Variants in NUCKS1 observed in about 807,000 individuals in gnomAD.
The protein encoded by NUCKS1 is nuclear casein kinase and cyclin dependent kinase substrate 1.
In NUCKS1, 2 loss-of-function variants were observed where a neutral mutation model predicts 33.0. The observed-to-expected ratio is 0.06, with a 90% CI of 0.02 to 0.19. The LOEUF is 0.19. NUCKS1 is among the 10% of genes least tolerant of loss of function. The pLI is 1.00. For missense variants in NUCKS1, 201 were observed against 293.6 expected, an observed-to-expected ratio of 0.68 and a Z score of 2.31; for synonymous variants, 106 against 102.8, an observed-to-expected ratio of 1.03 and a Z score of -0.19.
intron 2 of NUCKS1, 61 bp downstream of exon 2, chr1:205,729,511 A>T (rs910410684): frequency 9.3e-7 from 1 of 1,075,248 alleles, no homozygotes; most frequent in African/African-American, 1.6e-5. Flanking sequence ...ATAAAACTAT[A>T]TAAGCTGGTA....
intron 1 of NUCKS1, among the ~76,000 whole-genome samples, chr1:205,734,231 TAC>T (rs1490993250): frequency 6.6e-6 from 1 of 152,162 alleles, no homozygotes; most frequent in Non-Finnish European, 1.5e-5. Flanking sequence ...TTTTATTTAG[TAC>T]ATATTTTTCT....
In NUCKS1 at chr1:205,749,954, G is replaced by A; in HGVS notation, c.17+3C>T. 1 of 1,605,940 alleles carries A rather than the reference G, an allele frequency of 6.2e-7. No individual in the cohort carries two copies. The highest frequency in any genetic ancestry group is 2.3e-5 in the East Asian group (1 of 44,338). On this transcript the variant is annotated splice_donor_region_variant and intron_variant, in intron 1 of 6. Transcript: ENST00000367142. Reference sequence around the variant, plus strand: ...CGCTCCAGGCCTCAGACTCCGCACTGACCTGACAGGCCGCGACATGTTCGC... The same window carrying A: ...CGCTCCAGGCCTCAGACTCCGCACTAACCTGACAGGCCGCGACATGTTCGC...
At chr1:205,720,136 TTTA>T (rs1671895094) in intron 5 of NUCKS1, among the ~76,000 whole-genome samples, 2 of 152,156 alleles carry the variant, frequency 1.3e-5, no homozygotes, top group Non-Finnish European at 2.9e-5. Context: ...ACACCTAAAT[TTTA>T]TTATTAACAT....
intron 1 of NUCKS1, among the ~76,000 whole-genome samples, chr1:205,746,445 T>TCACACACACA (rs769978235): frequency 7.1e-5 from 6 of 84,938 alleles, no homozygotes; most frequent in African/African-American, 2.3e-4. Flanking sequence ...CTTCTCTCTC[T>TCACACACACA]CTCTCTCTCA....
intron 4 of NUCKS1, 77 bp downstream of exon 4, chr1:205,723,849 G>T: frequency 9.5e-7 from 1 of 1,057,356 alleles, no homozygotes; most frequent in Non-Finnish European, 1.4e-6. Flanking sequence ...GCCTGGCATA[G>T]AAATCACTTA....
chr1:205,723,256 G>C (rs1165011075), intron 4 of NUCKS1, among the ~76,000 whole-genome samples: 1 of 152,126 alleles, frequency 6.6e-6, no homozygotes, highest in Non-Finnish European at 1.5e-5. Context: ...ACAACAGCAA[G>C]GGAATGTAGG....
In NUCKS1 at chr1:205,736,284, G is replaced by C. The variant is rs146488048; in HGVS notation, c.18-6663C>G. 1.8e-3 allele frequency among the ~76,000 whole-genome samples: 274 copies of C among 152,184 alleles called. 1 individual carries two copies. Among genetic ancestry groups the C allele is most frequent in the African/African-American group, 6.1e-3 (255 of 41,506 alleles). On this transcript the variant is annotated intron_variant, in intron 1 of 6. Transcript: ENST00000367142. Reference sequence around the variant, plus strand: ...TTTTTATTTCTGACTTTATGGCAAAGTTCAGGTTACCATTTAGATCAAAAA... The same window carrying C: ...TTTTTATTTCTGACTTTATGGCAAACTTCAGGTTACCATTTAGATCAAAAA...
At position 205,749,338 on chromosome 1, in the gene NUCKS1, G is replaced by A. The variant is rs7546199; in HGVS notation, c.17+619C>T. Among the ~76,000 whole-genome samples the A allele has an allele frequency of 5.2e-3, 799 of 152,204 alleles. 5 individuals are homozygous for A. The highest frequency in any genetic ancestry group is 0.018 in the African/African-American group (763 of 41,480). Reference sequence around the variant, plus strand: ...CCGAACTCTCACTTTTGCCCGGGGGGAAAAAAACGGGTCCCGCCCACGCTC... The same window carrying A: ...CCGAACTCTCACTTTTGCCCGGGGGAAAAAAAACGGGTCCCGCCCACGCTC... On this transcript the variant is annotated intron_variant, in intron 1 of 6. Transcript: ENST00000367142.
In NUCKS1 at chr1:205,745,733, T is replaced by C. The variant is rs976579966; in HGVS notation, c.17+4224A>G. The stretch of plus-strand genomic sequence containing the variant: ...TGTATTCAGATCTGAGCTCAAACCT[T>C]AGCTCTGCTATCATAGCTCTGTAAC... On this transcript the variant is annotated intron_variant, in intron 1 of 6. Coordinates refer to ENST00000367142, the MANE Select transcript of NUCKS1 (RefSeq NM_022731.5). 8.3e-4 allele frequency among the ~76,000 whole-genome samples: 126 copies of C among 152,292 alleles called. 1 individual carries two copies. Among genetic ancestry groups the C allele is most frequent in the African/African-American group, 2.9e-3 (120 of 41,568 alleles).
intron 3 of NUCKS1, among the ~76,000 whole-genome samples, chr1:205,726,340 A>T (rs1173070612): frequency 6.6e-6 from 1 of 152,248 alleles, no homozygotes; most frequent in East Asian, 1.9e-4. Flanking sequence ...ACATGGCGAG[A>T]GCCCATCTCT....
chr1:205,729,577 T>A lies in NUCKS1; in HGVS notation c.62A>T (p.Asp21Val). The A allele has an allele frequency of 6.2e-7, 1 of 1,612,514 alleles. No homozygotes were observed. The highest frequency in any genetic ancestry group is 8.5e-7 in the Non-Finnish European group (1 of 1,178,542). Residue 21 changes from aspartate to valine, a missense_variant, in exon 2 of 7, where the codon GAT (aspartate) becomes GTT (valine). By Grantham distance (152) the Asp-to-Val change is radical (BLOSUM62 -3). Transcript: ENST00000367142. ...GTTGAAACCACAAAACTTACCTGCATCATCAGATTCCTGAAACTGTGAGTA... is the reference window on the plus strand; with the variant it reads ...GTTGAAACCACAAAACTTACCTGCAACATCAGATTCCTGAAACTGTGAGTA... ...VDYSQFQESD[D>V]ADEDYGRDSG...
chr1:205,734,755 C>T (rs901461377), intron 1 of NUCKS1, among the ~76,000 whole-genome samples: 3 of 151,386 alleles, frequency 2.0e-5, no homozygotes, highest in African/African-American at 7.3e-5. Flanking sequence ...ATTAGCCAGG[C>T]GTGGTGGCGG....
At chr1:205,721,965 C>T (rs1346264650) in intron 4 of NUCKS1, among the ~76,000 whole-genome samples, 6 of 151,968 alleles carry the variant, frequency 3.9e-5, no homozygotes, top group South Asian at 2.1e-4. Flanking sequence ...TGAGCCACTG[C>T]GCCCAGCTGG....
Position 205,713,087 on chromosome 1 carries a change from A to G in NUCKS1, c.*5193T>C, listed in dbSNP as rs1671771423. On this transcript the variant is annotated 3_prime_UTR_variant, in exon 7 of 7. Transcript: ENST00000367142. Reference sequence around the variant, plus strand: ...AAAGTTTCTAAATAATTTATTAGGGAAATAAGTTCCCACAAAGTCAGGCTG... The same window carrying G: ...AAAGTTTCTAAATAATTTATTAGGGGAATAAGTTCCCACAAAGTCAGGCTG... 6.6e-6 allele frequency: 1 copy of G among 152,192 alleles called. No homozygotes were observed. The highest frequency in any genetic ancestry group is 1.5e-5 in the Non-Finnish European group (1 of 68,028). The allele number at this position is 152,192 out of a possible 1,614,324, so 9.4% of individuals were successfully genotyped here.
At chr1:205,730,831 A>G (rs1653892321) in intron 1 of NUCKS1, among the ~76,000 whole-genome samples, 2 of 152,188 alleles carry the variant, frequency 1.3e-5, no homozygotes. Flanking sequence ...CTCAAAACAA[A>G]TATACATAAA....
Position 205,718,070 on chromosome 1 carries a change from T to C in NUCKS1, c.*210A>G, listed in dbSNP as rs1240247519. The stretch of plus-strand genomic sequence containing the variant: ...AAAAGGTAACTTAAACACTTACACA[T>C]ACAATGGTTTGCTTTAAAAAAAAAA... On this transcript the variant is annotated 3_prime_UTR_variant, in exon 7 of 7. Transcript: ENST00000367142. 16 of 1,209,094 alleles carry C rather than the reference T, an allele frequency of 1.3e-5. No individual in the cohort carries two copies. In the East Asian group the frequency reaches 3.3e-4, roughly 25 times the overall value. 74.9% of individuals were successfully genotyped at this position (1,209,094 alleles called of 1,614,324 possible).
chr1:205,732,543 G>C (rs546708102), intron 1 of NUCKS1, among the ~76,000 whole-genome samples: 1 of 152,242 alleles, frequency 6.6e-6, no homozygotes, highest in East Asian at 1.9e-4. Context: ...AGCACTTTGG[G>C]AGGCCAAGGT....
chr1:205,739,904 T>C (rs1654122073), intron 1 of NUCKS1, among the ~76,000 whole-genome samples: 1 of 151,804 alleles, frequency 6.6e-6, no homozygotes, highest in Non-Finnish European at 1.5e-5. Context: ...GGTAATTTCT[T>C]ACAGTAGCTT....
rs1671848840 is a variant in NUCKS1, at chr1:205,717,771, A to T, written c.*509T>A. On this transcript the variant is annotated 3_prime_UTR_variant, in exon 7 of 7. Transcript: ENST00000367142. ...GATACTTGTGTCTATAGACAAATAA[A>T]CTCATATTAGATGACAATTGATTTT... The T allele has an allele frequency of 1.0e-6, 1 of 985,040 alleles. No individual in the cohort carries two copies. The highest frequency in any genetic ancestry group is 1.7e-5 in the African/African-American group (1 of 57,196). The allele number at this position is 985,040 out of a possible 1,614,324, so 61.0% of individuals were successfully genotyped here. A position where few individuals can be genotyped will look rare whatever the true frequency, so the allele number is the denominator to read the frequency against.
Sources: gnomAD v4.1 joint callset for allele counts (sites outside exome capture counted in the v4.1 genomes callset) on GRCh38, gnomAD v4.1.1 for gene constraint, MANE v1.5 for transcripts, NCBI Gene and HGNC (gene_info 2026-07-23, HGNC 2026-07-21) for gene names.